The following RBM25 variants were observed in gnomAD, a reference collection of about 807,000 sequenced individuals.
The protein encoded by RBM25 is RNA-binding protein 25.
RBM25 carries 19 observed loss-of-function variants against 120.7 expected under a neutral mutation model. The observed-to-expected ratio is 0.16, with a 90% CI of 0.11 to 0.23. RBM25 has a LOEUF of 0.23. Among genes scored for constraint, RBM25 ranks in the 10% least tolerant of loss-of-function variants. The pLI is 1.00. For missense variants in RBM25, 605 were observed against 1,041.5 expected (o/e 0.58, Z 5.77); for synonymous variants, 390 against 326.7 (o/e 1.19, Z -2.09).
intron 9 of RBM25, 168 bp downstream of exon 9, chr14:73,099,918 A>C (rs530910076): frequency 9.1e-7 from 1 of 1,092,912 alleles, no homozygotes; most frequent in African/African-American, 1.6e-5. Context: ...ACCATATTAA[A>C]GTGGTCCTTG....
intron 10 of RBM25, among the ~76,000 whole-genome samples, chr14:73,105,065 A>ACACACACACACAC (rs1555346303): frequency 2.7e-5 from 4 of 150,410 alleles, no homozygotes; most frequent in African/African-American, 7.3e-5. Context: ...ACACACACAC[A>ACACACACACACAC]GAGTTATTTG....
In RBM25 at chr14:73,112,196, C is replaced by T. The variant is rs374029666; in HGVS notation, c.2337C>T (p.Ile779=). 1 of 1,608,436 alleles carries T rather than the reference C, an allele frequency of 6.2e-7. No individual in the cohort carries two copies. The highest frequency in any genetic ancestry group is 1.1e-5 in the South Asian group (1 of 89,226). The change falls in exon 17 of 19, where the codon ATC becomes ATT. Residue 779 remains isoleucine, a synonymous_variant. Coordinates refer to ENST00000261973, the MANE Select transcript of RBM25 (RefSeq NM_021239.3). Reference sequence around the variant, plus strand: ...TTAGACCATGGATTAATAAGAAAATCATAGAATATATAGGTGAAGAAGAAG... The same window carrying T: ...TTAGACCATGGATTAATAAGAAAATTATAGAATATATAGGTGAAGAAGAAG... ...RRIRPWINKK[I]IEYIGEEEAT...
intron 7 of RBM25, among the ~76,000 whole-genome samples, chr14:73,097,535 A>C (rs565292699): frequency 6.6e-6 from 1 of 151,862 alleles, no homozygotes; most frequent in South Asian, 2.1e-4. Flanking sequence ...AGGTCTCACT[A>C]TGTTTTCTAG....
intron 1 of RBM25, chr14:73,068,387 ATTTT>A (rs34314453): frequency 2.6e-4 from 124 of 476,362 alleles, no homozygotes; most frequent in Middle Eastern, 5.1e-4. Context: ...CTTGTATTTG[ATTTT>A]TTTTTTTTTT....
rs543042736 is a variant in RBM25, at chr14:73,117,441, G to A, written c.2440-2272G>A. On this transcript the variant is annotated intron_variant, in intron 18 of 18. Coordinates refer to ENST00000261973, the MANE Select transcript of RBM25 (RefSeq NM_021239.3). Reference sequence around the variant, plus strand: ...TTGACGGGTTTCACCATGTTGGCCCGGCTGGTCTCAAACTCCTGACCTCAG... The same window carrying A: ...TTGACGGGTTTCACCATGTTGGCCCAGCTGGTCTCAAACTCCTGACCTCAG... Among the ~76,000 whole-genome samples, 63 of 151,788 alleles carry A rather than the reference G, an allele frequency of 4.2e-4. No homozygotes were observed. The South Asian group carries it at 0.013, about 31-fold the overall frequency.
At chr14:73,109,911 G>GTC (rs1768422277) in intron 14 of RBM25, among the ~76,000 whole-genome samples, 2 of 151,772 alleles carry the variant, frequency 1.3e-5, no homozygotes, top group South Asian at 4.2e-4. Context: ...TTGAGATGGG[G>GTC]TCTCGCTGTG....
chr14:73,065,934 G>T (rs1166720365), intron 1 of RBM25, among the ~76,000 whole-genome samples: 1 of 152,148 alleles, frequency 6.6e-6, no homozygotes, highest in Non-Finnish European at 1.5e-5. Flanking sequence ...TCATGGCCCA[G>T]TCTTGTAACC....
At chr14:73,060,375 A>G (rs1199766596) in intron 1 of RBM25, among the ~76,000 whole-genome samples, 3 of 151,466 alleles carry the variant, frequency 2.0e-5, no homozygotes, top group Non-Finnish European at 3.0e-5. Flanking sequence ...CCATGTTAAC[A>G]TTGGGTAACT....
intron 6 of RBM25, among the ~76,000 whole-genome samples, chr14:73,092,455 C>T (rs1409742385): frequency 6.6e-6 from 1 of 151,966 alleles, no homozygotes; most frequent in Non-Finnish European, 1.5e-5. Context: ...TAGGCATTTT[C>T]CTCTGAGGCA....
chr14:73,061,121 G>C (rs887678728), intron 1 of RBM25, among the ~76,000 whole-genome samples: 7 of 149,712 alleles, frequency 4.7e-5, no homozygotes, highest in Admixed American at 2.0e-4. Flanking sequence ...GTAGTGGCGC[G>C]ATCTCACCTC....
At chr14:73,096,572 A>G (rs362418) in intron 6 of RBM25, among the ~76,000 whole-genome samples, 2,439 of 152,330 alleles carry the variant, frequency 0.016, 68 homozygotes, top group African/African-American at 0.052. Context: ...TGAATTTTCA[A>G]CTGTTTAAAA....
Position 73,111,583 on chromosome 14 carries a change from A to G in RBM25, c.2073A>G (p.Val691=). 2 of 1,613,994 alleles carry G rather than the reference A, an allele frequency of 1.2e-6. No homozygotes were observed. The highest frequency in any genetic ancestry group is 1.7e-6 in the Non-Finnish European group (2 of 1,179,958). ...CTGTGAAGAGAAAGAAACTACCTGT[A>G]GATAGTGTCTTTAACAAATTTGAGG... The part of the protein sequence containing the change: ...PNSVKRKKLP[V]DSVFNKFEDE... The change falls in exon 16 of 19, where the codon GTA becomes GTG. Residue 691 remains valine, a synonymous_variant. Transcript: ENST00000261973.
chr14:73,089,590 G>A (rs775703558), intron 6 of RBM25, among the ~76,000 whole-genome samples: 41 of 152,090 alleles, frequency 2.7e-4, no homozygotes, highest in Non-Finnish European at 5.1e-4. Context: ...CCTGACTTCA[G>A]GTAATCTGTT....
chr14:73,077,182 T>C (rs1249234020), intron 3 of RBM25, among the ~76,000 whole-genome samples, 187 bp from the exon 4 acceptor site: 1 of 152,260 alleles, frequency 6.6e-6, no homozygotes, highest in Non-Finnish European at 1.5e-5. Context: ...AGAAGTTTAC[T>C]TGTCACAAAT....
At chr14:73,110,754 A>G in intron 14 of RBM25, 77 bp from the exon 15 acceptor site, 1 of 1,492,798 alleles carries the variant, frequency 6.7e-7, no homozygotes, top group South Asian at 1.4e-5. Context: ...AAGATATTTT[A>G]CAAGAGGTAA....
intron 4 of RBM25, among the ~76,000 whole-genome samples, chr14:73,082,505 G>A (rs1895586255): frequency 6.6e-6 from 1 of 151,982 alleles, no homozygotes; most frequent in Admixed American, 6.6e-5. Context: ...TGCCCAGGCT[G>A]GTCTTGAACT....
chr14:73,083,239 GAAACTTTTAAT>G, intron 4 of RBM25, among the ~76,000 whole-genome samples: 1 of 152,248 alleles, frequency 6.6e-6, no homozygotes, highest in Non-Finnish European at 1.5e-5. Flanking sequence ...GTAGTGATGC[GAAACTTTTAAT>G]AAAAGGTAAA....
At chr14:73,059,844 C>T (rs1354836790) in intron 1 of RBM25, among the ~76,000 whole-genome samples, 1 of 151,836 alleles carries the variant, frequency 6.6e-6, no homozygotes, top group East Asian at 1.9e-4. Context: ...GTTTTTGTTC[C>T]TCTGTAAAAT....
chr14:73,093,834 A>T (rs1895871740), intron 6 of RBM25, among the ~76,000 whole-genome samples: 1 of 151,232 alleles, frequency 6.6e-6, no homozygotes, highest in African/African-American at 2.4e-5. Context: ...TAAGAAAAAA[A>T]CAGGAAATCA....
Sources: allele counts gnomAD v4.1 joint callset (sites outside exome capture counted in the v4.1 genomes callset), GRCh38; gene constraint gnomAD v4.1.1; transcripts MANE v1.5; gene names NCBI Gene and HGNC (gene_info 2026-07-23, HGNC 2026-07-21).